FHAD1: variants seen among roughly 807,000 people sequenced by gnomAD.
FHAD1 encodes forkhead-associated domain-containing protein 1.
FHAD1 carries 146 observed loss-of-function variants against 191.3 expected under a neutral mutation model. The observed-to-expected ratio is 0.76, with a 90% CI of 0.67 to 0.88. FHAD1 has a LOEUF of 0.88. Among genes scored for constraint, FHAD1 ranks in the 40% least tolerant of loss-of-function variants. The pLI is 0.00. For missense variants in FHAD1, 1,635 were observed against 1,785.8 expected (o/e 0.92, Z 1.52); for synonymous variants, 616 against 672.3 (o/e 0.92, Z 1.29).
At chr1:15,392,887 G>C (rs1487863975) in intron 33 of FHAD1, among the ~76,000 whole-genome samples, 1 of 152,006 alleles carries the variant, frequency 6.6e-6, no homozygotes, top group Non-Finnish European at 1.5e-5. Flanking sequence ...GAGGACCTAG[G>C]CTAGGCCACC....
At chr1:15,323,545 G>A (rs930353502) in intron 10 of FHAD1, among the ~76,000 whole-genome samples, 1 of 152,182 alleles carries the variant, frequency 6.6e-6, no homozygotes, top group African/African-American at 2.4e-5. Context: ...TGAAATCTGT[G>A]TGACCCCTCT....
chr1:15,348,882 G>A lies in FHAD1; in HGVS notation c.2347-160G>A, dbSNP rs551360517. Among the ~76,000 whole-genome samples the A allele has an allele frequency of 7.2e-5, 11 of 152,222 alleles. No homozygotes were observed. In the East Asian group the frequency reaches 1.5e-3, roughly 21 times the overall value. On this transcript the variant is annotated intron_variant, in intron 18 of 33. Coordinates refer to ENST00000688493, the MANE Select transcript of FHAD1 (RefSeq NM_001391957.1). ...TCAGCACTTCTCTGACAGAGTTGCT[G>A]TGAGACTGAAGGGCTGGCCAGGGGC... is the stretch of plus-strand genomic sequence containing the variant.
At chr1:15,250,742 G>A (rs1455858349) in intron 1 of FHAD1, among the ~76,000 whole-genome samples, 1 of 152,220 alleles carries the variant, frequency 6.6e-6, no homozygotes, top group Non-Finnish European at 1.5e-5. Context: ...TGGAGGCTGA[G>A]GCAGGAGGAT....
chr1:15,390,801 C>A lies in FHAD1; in HGVS notation c.4270-409C>A, dbSNP rs1390881091. On this transcript the variant is annotated intron_variant, in intron 32 of 33. Coordinates refer to ENST00000688493, the MANE Select transcript of FHAD1 (RefSeq NM_001391957.1). The stretch of plus-strand genomic sequence containing the variant: ...TTCAACCATCATGGGCCCCACCATC[C>A]CTGAGCCATTGGGATACCGAGGTGT... Among the ~76,000 whole-genome samples, 5 of 152,202 alleles carry A rather than the reference C, an allele frequency of 3.3e-5. No individual in the cohort carries two copies. In the South Asian group the frequency reaches 6.2e-4, roughly 19 times the overall value.
chr1:15,249,322 TG>T (rs1646491061), intron 1 of FHAD1, among the ~76,000 whole-genome samples: 1 of 151,214 alleles, frequency 6.6e-6, no homozygotes, highest in South Asian at 2.1e-4. Flanking sequence ...CATTCAGATT[TG>T]GGGTTTTACT....
chr1:15,361,521 G>A (rs139466293), intron 22 of FHAD1, among the ~76,000 whole-genome samples: 17 of 152,224 alleles, frequency 1.1e-4, no homozygotes, highest in South Asian at 4.2e-4. Context: ...CAGCTCTCTC[G>A]GTGGAGCTTC....
chr1:15,366,614 T>C (rs981771003), intron 24 of FHAD1, among the ~76,000 whole-genome samples: 2 of 152,202 alleles, frequency 1.3e-5, no homozygotes, highest in African/African-American at 4.8e-5. Flanking sequence ...CGGCACTCAC[T>C]AGCTTTGGGA....
At position 15,360,555 on chromosome 1, in the gene FHAD1, C is replaced by A. The variant is rs777926804; in HGVS notation, c.2814C>A (p.His938Gln). The change falls in exon 22 of 34, where the codon CAC becomes CAA. Residue 938 changes from histidine to glutamine, a missense_variant. His to Gln is a conservative substitution (Grantham distance 24). Coordinates refer to ENST00000688493, the MANE Select transcript of FHAD1 (RefSeq NM_001391957.1). ...AGGATGAGCAGGAATCACAGAGACA[C>A]GGGTTTGAAGAAGAGATCATGGAAT... ...ALQDEQESQR[H>Q]GFEEEIMEYK... 3.9e-6 allele frequency: 6 copies of A among 1,551,788 alleles called. No individual in the cohort carries two copies. The highest frequency in any genetic ancestry group is 5.2e-6 in the Non-Finnish European group (6 of 1,147,052).
At chr1:15,395,765 T>G (rs6663033) in intron 33 of FHAD1, among the ~76,000 whole-genome samples, 1 of 151,954 alleles carries the variant, frequency 6.6e-6, no homozygotes, top group Non-Finnish European at 1.5e-5. Context: ...CCAACACAAA[T>G]TCGTAAACTT....
chr1:15,240,014 G>A (rs1645175634), intron 1 of FHAD1, among the ~76,000 whole-genome samples: 1 of 152,222 alleles, frequency 6.6e-6, no homozygotes, highest in South Asian at 2.1e-4. Context: ...TCACACCTCT[G>A]TGGTATCCTC....
intron 3 of FHAD1, among the ~76,000 whole-genome samples, chr1:15,285,489 C>T (rs1454036882): frequency 9.2e-5 from 14 of 152,144 alleles, no homozygotes; most frequent in Non-Finnish European, 1.6e-4. Context: ...GCCGAGATCA[C>T]GCCACTGCAC....
chr1:15,254,200 G>A (rs1647133142), intron 2 of FHAD1, among the ~76,000 whole-genome samples: 2 of 152,180 alleles, frequency 1.3e-5, no homozygotes, highest in Non-Finnish European at 2.9e-5. Flanking sequence ...GGTGGCCAAG[G>A]TAGAAACAGT....
intron 16 of FHAD1, among the ~76,000 whole-genome samples, chr1:15,342,530 G>A (rs1214021581): frequency 2.6e-5 from 4 of 152,314 alleles, no homozygotes; most frequent in Middle Eastern, 3.4e-3. Context: ...TTCCTGATAA[G>A]AACCATCCAG....
At chr1:15,385,129 CTTT>C (rs57163623) in intron 31 of FHAD1, among the ~76,000 whole-genome samples, 23 of 143,176 alleles carry the variant, frequency 1.6e-4, no homozygotes, top group African/African-American at 2.3e-4. Context: ...GGGGGAAAAT[CTTT>C]TTTTTTTTTT....
intron 31 of FHAD1, chr1:15,383,997 CATGT>C (rs1434329097): frequency 2.8e-4 from 92 of 328,100 alleles, no homozygotes; most frequent in Middle Eastern, 7.2e-4. Flanking sequence ...TGTACATTCT[CATGT>C]GTGTGTGTGT....
At chr1:15,275,108 G>T (rs1402966044) in intron 3 of FHAD1, among the ~76,000 whole-genome samples, 2 of 152,054 alleles carry the variant, frequency 1.3e-5, no homozygotes, top group Admixed American at 1.3e-4. Flanking sequence ...GACTACAGGT[G>T]CCCACCACCA....
At chr1:15,382,222 T>TCACAGGCTGCCCTGCAGCTCCC (rs1227047590) in intron 31 of FHAD1, 29 bp downstream of exon 31, 7 of 1,545,554 alleles carry the variant, frequency 4.5e-6, no homozygotes, top group Non-Finnish European at 2.6e-6. Context: ...GGGCAGAACC[T>TCACAGGCTGCCCTGCAGCTCCC]CCCAGGCTGC....
chr1:15,376,955 C>T (rs1699812150), intron 28 of FHAD1, among the ~76,000 whole-genome samples: 1 of 152,192 alleles, frequency 6.6e-6, no homozygotes, highest in South Asian at 2.1e-4. Flanking sequence ...ATGGGAAGAT[C>T]ACTTGAGCTC....
intron 2 of FHAD1, among the ~76,000 whole-genome samples, chr1:15,261,475 C>T (rs905853961): frequency 2.6e-5 from 4 of 152,162 alleles, no homozygotes; most frequent in Admixed American, 1.3e-4. Flanking sequence ...GTCAGTGCAC[C>T]GAGGGGAACT....
Sources: gnomAD v4.1 joint callset for allele counts (sites outside exome capture counted in the v4.1 genomes callset) on GRCh38, gnomAD v4.1.1 for gene constraint, MANE v1.5 for transcripts, NCBI Gene and HGNC (gene_info 2026-07-23, HGNC 2026-07-21) for gene names.